CDH13: variants seen among roughly 807,000 people sequenced by gnomAD.
CDH13 encodes the protein cadherin 13.
CDH13 carries 24 observed loss-of-function variants against 63.8 expected under a neutral mutation model. The ratio of observed to expected loss-of-function variants is 0.38; its 90% CI spans 0.27 to 0.53. The LOEUF (loss-of-function observed/expected upper bound fraction) is 0.53. Among genes scored for constraint, CDH13 ranks in the 20% least tolerant of loss-of-function variants. The pLI, the probability that CDH13 is intolerant of heterozygous loss-of-function variation, is 0.85. For missense variants in CDH13, 1,049 were observed against 903.1 expected, an observed-to-expected ratio of 1.16 and a Z score of -2.07; for synonymous variants, 503 against 355.3, an observed-to-expected ratio of 1.42 and a Z score of -4.67.
At chr16:83,510,866 A>G (rs1471332196) in intron 7 of CDH13, among the ~76,000 whole-genome samples, 3 of 152,272 alleles carry the variant, frequency 2.0e-5, no homozygotes, top group African/African-American at 4.8e-5. Context: ...TCAGAAAATC[A>G]GTAATGTAGG....
At chr16:83,629,803 C>G (rs1012516661) in intron 8 of CDH13, among the ~76,000 whole-genome samples, 1 of 152,230 alleles carries the variant, frequency 6.6e-6, no homozygotes, top group African/African-American at 2.4e-5. Flanking sequence ...AATTGGAAAA[C>G]TCCTTGGCCA....
chr16:82,691,515 C>G (rs1567632090), intron 1 of CDH13, among the ~76,000 whole-genome samples: 1 of 152,196 alleles, frequency 6.6e-6, no homozygotes, highest in Non-Finnish European at 1.5e-5. Flanking sequence ...CATTAATGCA[C>G]CCTTTACTGA....
At chr16:83,769,416 T>C (rs1280739642) in intron 11 of CDH13, among the ~76,000 whole-genome samples, 2 of 152,130 alleles carry the variant, frequency 1.3e-5, no homozygotes, top group Non-Finnish European at 2.9e-5. Context: ...AGAGTCCAAT[T>C]AACAAGATCC....
chr16:83,453,144 C>T (rs915634194), intron 6 of CDH13, among the ~76,000 whole-genome samples: 6 of 152,140 alleles, frequency 3.9e-5, no homozygotes, highest in African/African-American at 1.4e-4. Flanking sequence ...ATTGTGTGTT[C>T]TCATCTGTGG....
intron 7 of CDH13, among the ~76,000 whole-genome samples, chr16:83,564,025 G>A (rs1339574206): frequency 6.6e-6 from 1 of 152,152 alleles, no homozygotes; most frequent in Admixed American, 6.5e-5. Context: ...GCAAAATGGG[G>A]ATGTAGTACC....
chr16:83,501,934 A>G (rs1299931226), intron 7 of CDH13, among the ~76,000 whole-genome samples: 2 of 152,224 alleles, frequency 1.3e-5, no homozygotes, highest in African/African-American at 2.4e-5. Flanking sequence ...CATGTGGTAC[A>G]GTGGCTCAGA....
At chr16:83,402,198 C>G (rs1348275099) in intron 6 of CDH13, among the ~76,000 whole-genome samples, 9 of 152,124 alleles carry the variant, frequency 5.9e-5, no homozygotes, top group Non-Finnish European at 8.8e-5. Context: ...TACTATTACT[C>G]CTCCTCTTGC....
chr16:82,844,418 G>A (rs983211296), intron 1 of CDH13: 4 of 151,756 alleles, frequency 2.6e-5, no homozygotes, highest in African/African-American at 9.7e-5. Flanking sequence ...TGGCTAACAT[G>A]GTTAAACCGC....
At chr16:82,719,008 C>A (rs141362922) in intron 1 of CDH13, among the ~76,000 whole-genome samples, 1 of 152,256 alleles carries the variant, frequency 6.6e-6, no homozygotes, top group East Asian at 1.9e-4. Context: ...TGTGCCTTGA[C>A]ATTTGTTCAA....
At chr16:83,711,208 A>G (rs1441112526) in intron 10 of CDH13, among the ~76,000 whole-genome samples, 3 of 152,358 alleles carry the variant, frequency 2.0e-5, no homozygotes, top group Admixed American at 6.5e-5. Context: ...GAAAGTCAAT[A>G]GTCTGCCTAC....
chr16:83,012,898 A>C (rs1173385275), intron 2 of CDH13, among the ~76,000 whole-genome samples: 1 of 152,226 alleles, frequency 6.6e-6, no homozygotes, highest in Non-Finnish European at 1.5e-5. Context: ...AATTTAAAAA[A>C]TTAAAGGCAA....
chr16:83,442,485 T>G (rs1194481546), intron 6 of CDH13, among the ~76,000 whole-genome samples: 2 of 152,236 alleles, frequency 1.3e-5, no homozygotes, highest in African/African-American at 4.8e-5. Flanking sequence ...GAATTGCATG[T>G]CACCTTGGAG....
chr16:82,976,157 C>T (rs1337509533), intron 2 of CDH13, among the ~76,000 whole-genome samples: 1 of 152,138 alleles, frequency 6.6e-6, no homozygotes, highest in Non-Finnish European at 1.5e-5. Context: ...GGAGATGACT[C>T]AGGAGACAGT....
chr16:83,481,403 G>C (rs1158894198), intron 6 of CDH13, among the ~76,000 whole-genome samples: 1 of 152,200 alleles, frequency 6.6e-6, no homozygotes, highest in Non-Finnish European at 1.5e-5. Flanking sequence ...CTCATGGCCA[G>C]CTGAAAACCC....
At chr16:82,830,783 C>A (rs1420561147) in intron 1 of CDH13, among the ~76,000 whole-genome samples, 1 of 152,206 alleles carries the variant, frequency 6.6e-6, no homozygotes, top group Non-Finnish European at 1.5e-5. Flanking sequence ...AATAGTCTTA[C>A]ATGCATATTA....
chr16:82,890,457 A>G (rs2041040696), intron 2 of CDH13, among the ~76,000 whole-genome samples: 1 of 152,192 alleles, frequency 6.6e-6, no homozygotes, highest in Non-Finnish European at 1.5e-5. Flanking sequence ...GAGTCGGAAT[A>G]AATAATTGAG....
chr16:83,534,611 G>T (rs957716976), intron 7 of CDH13, among the ~76,000 whole-genome samples: 14 of 152,192 alleles, frequency 9.2e-5, no homozygotes, highest in African/African-American at 2.2e-4. Flanking sequence ...ATGTTGTAAG[G>T]TACGTCATAG....
intron 3 of CDH13, among the ~76,000 whole-genome samples, chr16:83,083,930 C>T (rs148406032): frequency 5.1e-4 from 77 of 152,304 alleles, no homozygotes; most frequent in African/African-American, 1.6e-3. Context: ...CCAGGTAAGT[C>T]TCACTATCTC....
At chr16:83,198,225 A>G (rs576472333) in intron 4 of CDH13, among the ~76,000 whole-genome samples, 2 of 152,256 alleles carry the variant, frequency 1.3e-5, no homozygotes, top group East Asian at 3.9e-4. Flanking sequence ...TGCCAAGTAC[A>G]ACAATTTACA....
Sources: allele counts gnomAD v4.1 joint callset (sites outside exome capture counted in the v4.1 genomes callset), GRCh38; gene constraint gnomAD v4.1.1; transcripts MANE v1.5; gene names NCBI Gene and HGNC (gene_info 2026-07-23, HGNC 2026-07-21).